Variants in DAB1 observed in about 807,000 individuals in gnomAD.
DAB1 encodes DAB adaptor protein 1.
DAB1 carries 15 observed loss-of-function variants against 64.6 expected under a neutral mutation model. That is an observed-to-expected ratio of 0.23 (90% CI 0.16 to 0.36). The LOEUF is 0.36. Ranked by LOEUF, DAB1 falls within the 10% of genes least tolerant of loss-of-function variation. The probability of loss-of-function intolerance (pLI) is 1.00; values close to 1 mark genes in which losing one functional copy is unlikely to be tolerated. For synonymous variants in DAB1, 235 were observed against 251.9 expected (o/e 0.93, Z 0.64); for missense variants, 596 against 706.7 (o/e 0.84, Z 1.78).
chr1:57,316,295 C>T (rs1434298091), intron 1 of DAB1, among the ~76,000 whole-genome samples: 1 of 152,182 alleles, frequency 6.6e-6, no homozygotes, highest in Non-Finnish European at 1.5e-5. Flanking sequence ...TTTAAAGAGT[C>T]AAATCTTAGA....
intron 3 of DAB1, among the ~76,000 whole-genome samples, chr1:58,349,126 AT>A (rs1317191650): frequency 6.6e-6 from 1 of 152,190 alleles, no homozygotes; most frequent in Non-Finnish European, 1.5e-5. Context: ...TGACATCAGG[AT>A]GCTGATCACT....
At chr1:57,757,717 T>C (rs1648882257) in intron 6 of DAB1, among the ~76,000 whole-genome samples, 1 of 152,198 alleles carries the variant, frequency 6.6e-6, no homozygotes, top group Non-Finnish European at 1.5e-5. Context: ...GTTCACATTC[T>C]GAGGTACTGA....
intron 3 of DAB1, among the ~76,000 whole-genome samples, chr1:58,391,799 C>T (rs911475659): frequency 1.3e-5 from 2 of 152,164 alleles, no homozygotes; most frequent in Non-Finnish European, 1.5e-5. Context: ...GTAAGAATGT[C>T]CCCCCATCCC....
At chr1:57,774,466 T>A (rs1351015174) in intron 6 of DAB1, among the ~76,000 whole-genome samples, 1 of 151,814 alleles carries the variant, frequency 6.6e-6, no homozygotes, top group Non-Finnish European at 1.5e-5. Context: ...CAGTACAATG[T>A]TGAATAGAAA....
intron 9 of DAB1, among the ~76,000 whole-genome samples, chr1:57,045,449 G>A (rs1648349897): frequency 6.6e-6 from 1 of 152,176 alleles, no homozygotes; most frequent in African/African-American, 2.4e-5. Flanking sequence ...TGTAATCCTA[G>A]CACTTTGGGA....
chr1:57,565,258 G>C (rs1307836261), intron 7 of DAB1, among the ~76,000 whole-genome samples: 1 of 152,142 alleles, frequency 6.6e-6, no homozygotes, highest in African/African-American at 2.4e-5. Context: ...TGTCCTGCAA[G>C]AGCTCTTGAA....
chr1:58,322,785 G>A (rs1174662176), intron 4 of DAB1, among the ~76,000 whole-genome samples: 1 of 152,140 alleles, frequency 6.6e-6, no homozygotes, highest in Non-Finnish European at 1.5e-5. Context: ...AAAGACACAT[G>A]TACACGTATG....
chr1:57,035,832 A>ATTT (rs1647125577), intron 9 of DAB1, among the ~76,000 whole-genome samples: 3 of 100,790 alleles, frequency 3.0e-5, no homozygotes, highest in Admixed American at 1.0e-4. Flanking sequence ...ACGCACATGC[A>ATTT]CTTTTTTTTT....
At chr1:57,243,675 T>C (rs949844128) in intron 2 of DAB1, among the ~76,000 whole-genome samples, 1 of 152,204 alleles carries the variant, frequency 6.6e-6, no homozygotes, top group African/African-American at 2.4e-5. Flanking sequence ...TGGAAGTTTA[T>C]TCCTTAATCA....
chr1:57,478,526 A>G (rs1643967967), intron 7 of DAB1, among the ~76,000 whole-genome samples: 1 of 151,354 alleles, frequency 6.6e-6, no homozygotes, highest in Non-Finnish European at 1.5e-5. Flanking sequence ...TATACATGTT[A>G]TAATAGATGC....
At chr1:58,117,981 T>A (rs1411252588) in intron 5 of DAB1, among the ~76,000 whole-genome samples, 1 of 151,984 alleles carries the variant, frequency 6.6e-6, no homozygotes, top group East Asian at 1.9e-4. Flanking sequence ...CATGGCTCAC[T>A]ATAGCCTCGA....
At chr1:57,834,918 T>C (rs962150126) in intron 1 of DAB1, among the ~76,000 whole-genome samples, 1 of 152,128 alleles carries the variant, frequency 6.6e-6, no homozygotes, top group South Asian at 2.1e-4. Context: ...CCAAGTCTAT[T>C]TTCCCCACCT....
In DAB1 at chr1:57,430,554, T is replaced by C. The variant is rs781729454; in HGVS notation, n.626-139388A>G. ...CCATGCCTGGCTAATTTTTTTTGTA[T>C]TTTTAGCAGAGACGGGGTTTCACCG... On this transcript the variant is annotated intron_variant and non_coding_transcript_variant, in intron 7 of 20. Transcript: ENST00000485760. Among the ~76,000 whole-genome samples, 33 of 152,144 alleles carry C rather than the reference T, an allele frequency of 2.2e-4. No homozygotes were observed. In the Middle Eastern group the frequency reaches 0.01, roughly 47 times the overall value.
chr1:57,444,309 T>C (rs981660535), intron 7 of DAB1, among the ~76,000 whole-genome samples: 2 of 152,186 alleles, frequency 1.3e-5, no homozygotes, highest in African/African-American at 4.8e-5. Flanking sequence ...TAGATCTAAA[T>C]AGAATTTATA....
intron 2 of DAB1, among the ~76,000 whole-genome samples, chr1:57,254,404 A>G (rs1669599857): frequency 6.6e-6 from 1 of 152,256 alleles, no homozygotes; most frequent in African/African-American, 2.4e-5. Flanking sequence ...AAAATAATCA[A>G]TTACCAAAAG....
At chr1:57,725,261 A>G (rs2101764744) in intron 6 of DAB1, among the ~76,000 whole-genome samples, 1 of 152,228 alleles carries the variant, frequency 6.6e-6, no homozygotes, top group East Asian at 1.9e-4. Context: ...CTTGCTCCCC[A>G]AATACTTGCT....
chr1:58,103,063 A>G (rs1651417204), intron 5 of DAB1, among the ~76,000 whole-genome samples: 1 of 152,166 alleles, frequency 6.6e-6, no homozygotes, highest in Non-Finnish European at 1.5e-5. Context: ...CTCACAGTTC[A>G]GGAGGGGAGA....
chr1:58,305,997 C>A (rs1353511329), intron 4 of DAB1, among the ~76,000 whole-genome samples: 1 of 151,744 alleles, frequency 6.6e-6, no homozygotes, highest in Non-Finnish European at 1.5e-5. Context: ...CCCCCCTCCA[C>A]ACACATTATA....
At chr1:57,377,518 G>A (rs761982185) in intron 1 of DAB1, among the ~76,000 whole-genome samples, 1 of 152,090 alleles carries the variant, frequency 6.6e-6, no homozygotes, top group Non-Finnish European at 1.5e-5. Context: ...GAGAATCATA[G>A]GCATATGTAT....
Sources: allele counts gnomAD v4.1 joint callset (sites outside exome capture counted in the v4.1 genomes callset), GRCh38; gene constraint gnomAD v4.1.1; transcripts MANE v1.5; gene names NCBI Gene and HGNC (gene_info 2026-07-23, HGNC 2026-07-21).